NTRK2: variants seen among roughly 807,000 people sequenced by gnomAD.
NTRK2 encodes the protein BDNF/NT-3 growth factors receptor.
Under a neutral mutation model 94.5 loss-of-function variants are expected in NTRK2, and 13 were observed. That is an observed-to-expected ratio of 0.14 (90% CI 0.09 to 0.22). NTRK2 has a LOEUF of 0.22. NTRK2 is among the 10% of genes least tolerant of loss of function. The pLI, the probability that NTRK2 is intolerant of heterozygous loss-of-function variation, is 1.00. For synonymous variants in NTRK2, 372 were observed against 407.4 expected, an observed-to-expected ratio of 0.91 and a Z score of 1.05; for missense variants, 639 against 1,071.2, an observed-to-expected ratio of 0.60 and a Z score of 5.63.
intron 17 of NTRK2, among the ~76,000 whole-genome samples, chr9:84,961,036 G>C (rs1219045725): frequency 2.0e-5 from 3 of 152,106 alleles, no homozygotes; most frequent in Non-Finnish European, 2.9e-5. Flanking sequence ...AGTAAAGCTA[G>C]GAATATAGGA....
chr9:84,736,862 C>G (rs2063299634), intron 9 of NTRK2, among the ~76,000 whole-genome samples: 1 of 152,164 alleles, frequency 6.6e-6, no homozygotes, highest in East Asian at 1.9e-4. Flanking sequence ...GAAAGGAAAC[C>G]AGATATTGCA....
At chr9:84,869,799 A>G (rs556001366) in intron 14 of NTRK2, among the ~76,000 whole-genome samples, 1 of 152,236 alleles carries the variant, frequency 6.6e-6, no homozygotes, top group South Asian at 2.1e-4. Flanking sequence ...CAGATATGTA[A>G]CAAGAAAGAT....
At position 84,994,431 on chromosome 9, in the gene NTRK2, T is replaced by C. The variant is rs944954507; in HGVS notation, c.2173-25775T>C. Among the ~76,000 whole-genome samples, 9 of 152,184 alleles carry C rather than the reference T, an allele frequency of 5.9e-5. No homozygotes were observed. The South Asian group carries it at 8.3e-4, about 14-fold the overall frequency. On this transcript the variant is annotated intron_variant, in intron 17 of 18. Coordinates refer to ENST00000277120, the MANE Select transcript of NTRK2 (RefSeq NM_006180.6). The stretch of plus-strand genomic sequence containing the variant: ...TCCCTGAATCCCATAAAAACGAAAG[T>C]GCAAGCTACACGGAGCACAGGTAAC...
At position 84,690,071 on chromosome 9, in the gene NTRK2, A is replaced by G. The variant is rs76814675; in HGVS notation, c.213-12088A>G. Among the ~76,000 whole-genome samples, 553 of 152,316 alleles carry G rather than the reference A, an allele frequency of 3.6e-3. 15 individuals carry two copies. In the East Asian group the frequency reaches 0.066, roughly 18 times the overall value. ...ACTCCAAAGAAAGTAATCTCTAGCC[A>G]TCTATAAAAATGACTGAAGGTTAAC... On this transcript the variant is annotated intron_variant, in intron 2 of 18. Transcript: ENST00000277120.
chr9:84,888,962 A>G (rs2076506142), intron 14 of NTRK2, among the ~76,000 whole-genome samples: 1 of 129,308 alleles, frequency 7.7e-6, no homozygotes, highest in African/African-American at 3.1e-5. Flanking sequence ...AACTTTCCCC[A>G]TTATTTATTA....
At chr9:84,786,938 G>A (rs1438537519) in intron 12 of NTRK2, among the ~76,000 whole-genome samples, 1 of 152,096 alleles carries the variant, frequency 6.6e-6, no homozygotes, top group Non-Finnish European at 1.5e-5. Context: ...AAGCCATTCT[G>A]TTTCTCTGCT....
chr9:84,864,518 A>G (rs992082312), intron 13 of NTRK2, among the ~76,000 whole-genome samples: 2 of 152,164 alleles, frequency 1.3e-5, no homozygotes, highest in African/African-American at 4.8e-5. Flanking sequence ...AAATTTTAAG[A>G]AAAAGAAACT....
In NTRK2 at chr9:84,714,254, G is replaced by A. The variant is rs137983225; in HGVS notation, c.583+3463G>A. 4.1e-4 allele frequency among the ~76,000 whole-genome samples: 62 copies of A among 151,892 alleles called. No individual in the cohort carries two copies. In the East Asian group the frequency reaches 8.1e-3, roughly 20 times the overall value. On this transcript the variant is annotated intron_variant, in intron 6 of 18. Transcript: ENST00000277120. ...GTGACTGAAATGCCCTTCTCCATAC[G>A]GGGTTTGCTACATCAGCAGGGAGTC... is the stretch of plus-strand genomic sequence containing the variant.
chr9:84,848,029 C>T (rs2074554680), intron 12 of NTRK2, among the ~76,000 whole-genome samples: 1 of 151,908 alleles, frequency 6.6e-6, no homozygotes, highest in African/African-American at 2.4e-5. Context: ...TGGCCACCTT[C>T]TTGCTGTGTC....
intron 6 of NTRK2, among the ~76,000 whole-genome samples, chr9:84,717,394 A>T (rs1035998095): frequency 2.0e-5 from 3 of 152,220 alleles, no homozygotes; most frequent in Admixed American, 2.0e-4. Context: ...GAGGGCCTAC[A>T]CACTTTGAAT....
chr9:84,707,188 A>G (rs2061158451), intron 4 of NTRK2, among the ~76,000 whole-genome samples: 1 of 152,190 alleles, frequency 6.6e-6, no homozygotes, highest in Non-Finnish European at 1.5e-5. Flanking sequence ...TCACAAATAT[A>G]TCTTTTTATT....
At chr9:84,811,088 T>C in intron 12 of NTRK2, 2 of 1,069,904 alleles carry the variant, frequency 1.9e-6, no homozygotes, top group African/African-American at 1.6e-5. Context: ...CAGCACTGAA[T>C]TCAGAGGGTT....
At chr9:84,784,374 A>G (rs1245757046) in intron 12 of NTRK2, among the ~76,000 whole-genome samples, 2 of 152,158 alleles carry the variant, frequency 1.3e-5, no homozygotes, top group Non-Finnish European at 2.9e-5. Context: ...TTGAAACTGT[A>G]TGTTATTGTT....
At chr9:84,897,483 C>CAA (rs1564444128) in intron 14 of NTRK2, among the ~76,000 whole-genome samples, 4 of 152,184 alleles carry the variant, frequency 2.6e-5, no homozygotes, top group Non-Finnish European at 4.4e-5. Context: ...CAGGGGTTCC[C>CAA]CCTGTGGTGT....
intron 6 of NTRK2, among the ~76,000 whole-genome samples, chr9:84,712,075 C>G (rs1249764839): frequency 6.6e-6 from 1 of 152,114 alleles, no homozygotes; most frequent in Non-Finnish European, 1.5e-5. Context: ...GTCACCTGGC[C>G]TTTTGGCCAG....
intron 12 of NTRK2, among the ~76,000 whole-genome samples, chr9:84,802,137 TA>T (rs1411543503): frequency 6.6e-6 from 1 of 152,222 alleles, no homozygotes; most frequent in African/African-American, 2.4e-5. Context: ...ATGTTTTGGG[TA>T]CATTAAATTT....
chr9:85,026,139 A>AAAT lies in NTRK2; in HGVS notation c.*4703_*4704insATA, dbSNP rs1554790211. 3 of 197,432 alleles carry AAAT rather than the reference A, an allele frequency of 1.5e-5. No individual in the cohort carries two copies. Among genetic ancestry groups the AAAT allele is most frequent in the Non-Finnish European group, 3.1e-5 (3 of 97,322 alleles). The allele number at this position is 197,432 out of a possible 1,614,324, so 12.2% of individuals were successfully genotyped here. The stretch of plus-strand genomic sequence containing the variant: ...AAACACAAAGCAAAGCAAAAAAAAA[A>AAAT]ATATATATATATATATCTGTATATG... On this transcript the variant is annotated 3_prime_UTR_variant, in exon 19 of 19. Transcript: ENST00000277120.
intron 9 of NTRK2, among the ~76,000 whole-genome samples, chr9:84,737,196 C>T (rs1443619750): frequency 1.3e-5 from 2 of 152,086 alleles, no homozygotes; most frequent in Non-Finnish European, 2.9e-5. Flanking sequence ...CCTGGCCTCC[C>T]CATTATTTTT....
chr9:84,692,468 C>CTTTTTTTTTTTTTTTTTTTTTTTTT (rs71369138), intron 2 of NTRK2, among the ~76,000 whole-genome samples: 4 of 87,684 alleles, frequency 4.6e-5, no homozygotes, highest in African/African-American at 4.4e-5. Context: ...TTCTTTTTTT[C>CTTTTTTTTTTTTTTTTTTTTTTTTT]TTTTTTTTTT....
Sources: gnomAD v4.1 joint callset for allele counts (sites outside exome capture counted in the v4.1 genomes callset) on GRCh38, gnomAD v4.1.1 for gene constraint, MANE v1.5 for transcripts, NCBI Gene and HGNC (gene_info 2026-07-23, HGNC 2026-07-21) for gene names.